Variants in ADCY7 observed in about 807,000 individuals in gnomAD.
ADCY7 encodes the protein adenylate cyclase 7.
ADCY7 carries 72 observed loss-of-function variants against 120.6 expected under a neutral mutation model. The observed-to-expected ratio is 0.60, with a 90% CI of 0.49 to 0.73. ADCY7 has a LOEUF of 0.73. Among genes scored for constraint, ADCY7 ranks in the 30% least tolerant of loss-of-function variants. ADCY7 has a pLI of 0.00. For missense variants in ADCY7, 1,227 were observed against 1,486.0 expected (o/e 0.83, Z 2.87); for synonymous variants, 661 against 628.0 (o/e 1.05, Z -0.78).
rs140422187 is a variant in ADCY7, at chr16:50,276,887, C to T, written c.-269+10207C>T. The stretch of plus-strand genomic sequence containing the variant: ...GACATCACAGGCATGAGCCAATGTA[C>T]CTGGCTAGGTCATGCAATTTAGGTG... On this transcript the variant is annotated intron_variant, in intron 1 of 25. Coordinates refer to ENST00000673801, the MANE Select transcript of ADCY7 (RefSeq NM_001114.5). 1.5e-3 allele frequency among the ~76,000 whole-genome samples: 226 copies of T among 152,304 alleles called. 1 individual carries two copies. Among genetic ancestry groups the T allele is most frequent in the African/African-American group, 5.2e-3 (217 of 41,576 alleles).
chr16:50,259,210 T>C (rs113060152), intron 1 of ADCY7, among the ~76,000 whole-genome samples: 3 of 152,184 alleles, frequency 2.0e-5, no homozygotes, highest in African/African-American at 7.2e-5. Context: ...TGCAAAAAAA[T>C]ACAGGCATCC....
chr16:50,298,277 C>T (rs533110699), intron 7 of ADCY7, among the ~76,000 whole-genome samples: 3 of 152,274 alleles, frequency 2.0e-5, no homozygotes, highest in African/African-American at 7.2e-5. Flanking sequence ...GCAGTCTCTT[C>T]CCCAGCTTTG....
intron 1 of ADCY7, among the ~76,000 whole-genome samples, chr16:50,259,715 C>G (rs1280582508): frequency 6.6e-6 from 1 of 152,136 alleles, no homozygotes; most frequent in Non-Finnish European, 1.5e-5. Flanking sequence ...CGCAGGGTGC[C>G]GGGTTTAATG....
upstream of ADCY7, among the ~76,000 whole-genome samples, chr16:50,245,750 G>C (rs1328745974): frequency 1.3e-5 from 2 of 152,162 alleles, no homozygotes; most frequent in African/African-American, 4.8e-5. Flanking sequence ...TCCTGCAGGG[G>C]GAGGGGAGGC....
chr16:50,281,609 C>T (rs1042852193), intron 1 of ADCY7, among the ~76,000 whole-genome samples: 2 of 152,240 alleles, frequency 1.3e-5, no homozygotes, highest in Non-Finnish European at 2.9e-5. Flanking sequence ...ACAGATCCCA[C>T]CACGACAGTT....
intron 1 of ADCY7, among the ~76,000 whole-genome samples, chr16:50,276,073 A>T (rs895686929): frequency 1.3e-5 from 2 of 152,012 alleles, no homozygotes; most frequent in Non-Finnish European, 2.9e-5. Context: ...TGGGCCGAGG[A>T]CCCGACTCTG....
chr16:50,276,323 G>A (rs1445572359), intron 1 of ADCY7, among the ~76,000 whole-genome samples: 1 of 152,222 alleles, frequency 6.6e-6, no homozygotes, highest in African/African-American at 2.4e-5. Flanking sequence ...CTCACCCCCA[G>A]TGCTGCTGGC....
chr16:50,278,852 A>G (rs1050346496), intron 1 of ADCY7, among the ~76,000 whole-genome samples: 2 of 137,828 alleles, frequency 1.5e-5, no homozygotes, highest in African/African-American at 5.3e-5. Flanking sequence ...TGGGCCCGTG[A>G]AATGGATCTC....
chr16:50,291,859 G>A lies in ADCY7; in HGVS notation c.499G>A (p.Gly167Arg), dbSNP rs2034995953. The change falls in exon 4 of 26, where the codon GGA becomes AGA. Residue 167 changes from glycine (G) to arginine (R), a missense_variant. Gly to Arg is a moderately radical substitution (Grantham distance 125, BLOSUM62 -2). Coordinates refer to ENST00000673801, the MANE Select transcript of ADCY7 (RefSeq NM_001114.5). ...SHLLVLGSLM[G>R]GFTTPSVRVG... ...CCTCCTGGTGCTCGGTTCTTTGATG[G>A]GAGGCTTCACGACACCCAGTGTCCG... The A allele has an allele frequency of 6.2e-7, 1 of 1,613,744 alleles. No homozygotes were observed. Among genetic ancestry groups the A allele is most frequent in the Non-Finnish European group, 8.5e-7 (1 of 1,179,844 alleles).
At chr16:50,272,661 GCTTGT>G (rs2033647817) in intron 1 of ADCY7, among the ~76,000 whole-genome samples, 1 of 152,202 alleles carries the variant, frequency 6.6e-6, no homozygotes, top group African/African-American at 2.4e-5. Context: ...AGTCTTGTGG[GCTTGT>G]CTTGGTCCTG....
At chr16:50,288,419 G>A in intron 2 of ADCY7, 69 bp downstream of exon 2, 4 of 1,394,908 alleles carry the variant, frequency 2.9e-6, no homozygotes, top group Non-Finnish European at 3.8e-6. Flanking sequence ...TCTTCTCTTA[G>A]CCTCTTCTGT....
At position 50,288,124 on chromosome 16, in the gene ADCY7, C is replaced by A. The variant is rs2034695494; in HGVS notation, c.-56C>A. The A allele has an allele frequency of 6.7e-7, 1 of 1,491,276 alleles. No individual in the cohort carries two copies. Among genetic ancestry groups the A allele is most frequent in the South Asian group, 1.3e-5 (1 of 74,760 alleles). The allele number at this position is 1,491,276 out of a possible 1,614,324, so 92.4% of individuals were successfully genotyped here. On this transcript the variant is annotated 5_prime_UTR_variant, in exon 2 of 26. Coordinates refer to ENST00000673801, the MANE Select transcript of ADCY7 (RefSeq NM_001114.5). ...AGGGTGTTGGCAGACAGATGCCCTCCAGGCCCTGGGGCCTCCTTAACGGCC... is the reference window on the plus strand; with the variant it reads ...AGGGTGTTGGCAGACAGATGCCCTCAAGGCCCTGGGGCCTCCTTAACGGCC...
chr16:50,245,953 CTGGGGTGGGGTGGGG>C (rs1159831770), upstream of ADCY7, among the ~76,000 whole-genome samples: 4 of 6,720 alleles, frequency 6.0e-4, no homozygotes, highest in East Asian at 6.0e-3. Flanking sequence ...TCTAGGGGAG[CTGGGGTGGGGTGGGG>C]TGGGGTGGGG....
chr16:50,309,760 G>C (rs1173454719), intron 18 of ADCY7, 114 bp downstream of exon 18: 2 of 940,420 alleles, frequency 2.1e-6, no homozygotes, highest in African/African-American at 3.3e-5. Flanking sequence ...ACAGCATGTG[G>C]AGGCTGAGAA....
At position 50,311,808 on chromosome 16, in the gene ADCY7, C is replaced by G. The variant is rs374194955; in HGVS notation, c.2448+22C>G. On this transcript the variant is annotated intron_variant, in intron 20 of 25. Coordinates refer to ENST00000673801, the MANE Select transcript of ADCY7 (RefSeq NM_001114.5). ...ACAGGTAAGGAGGCTGGCCCCCCCC[C>G]CCCCCCCAAGCTCTGCCCACTTTTC... 11,823 of 1,337,106 alleles carry G rather than the reference C, an allele frequency of 8.8e-3. 318 individuals are homozygous for G. Among genetic ancestry groups the G allele is most frequent in the South Asian group, 0.031 (2,327 of 75,746 alleles). The allele number at this position is 1,337,106 out of a possible 1,614,324, so 82.8% of individuals were successfully genotyped here. A position where few individuals can be genotyped will look rare whatever the true frequency, so the allele number is the denominator to read the frequency against.
At chr16:50,252,132 G>A (rs1048696365) in intron 1 of ADCY7, among the ~76,000 whole-genome samples, 39 of 151,996 alleles carry the variant, frequency 2.6e-4, no homozygotes, top group African/African-American at 8.9e-4. Context: ...CCGGGCTGCT[G>A]TTTTTTTTCC....
intron 7 of ADCY7, among the ~76,000 whole-genome samples, chr16:50,296,864 G>C (rs1472405984): frequency 6.6e-6 from 1 of 152,240 alleles, no homozygotes; most frequent in Admixed American, 6.5e-5. Context: ...CTGGAAAACT[G>C]TCCCATCCTG....
intron 1 of ADCY7, among the ~76,000 whole-genome samples, chr16:50,271,215 T>C (rs1055470156): frequency 3.9e-5 from 6 of 152,194 alleles, no homozygotes; most frequent in African/African-American, 1.2e-4. Flanking sequence ...TTGGAATACC[T>C]AGGACCGTGC....
At chr16:50,314,431 T>C in intron 24 of ADCY7, 25 bp downstream of exon 24, 1 of 1,590,518 alleles carries the variant, frequency 6.3e-7, no homozygotes, top group Non-Finnish European at 8.6e-7. Context: ...TGGAGCGGGG[T>C]GGGGAGCCCC....
Sources: allele counts gnomAD v4.1 joint callset (sites outside exome capture counted in the v4.1 genomes callset), GRCh38; gene constraint gnomAD v4.1.1; transcripts MANE v1.5; gene names NCBI Gene and HGNC (gene_info 2026-07-23, HGNC 2026-07-21).